Variants in MCC observed in about 807,000 individuals in gnomAD.
MCC encodes the protein colorectal mutant cancer protein.
A neutral mutation model predicts 116.2 loss-of-function variants in MCC; 90 were observed. The observed-to-expected ratio is 0.77, with a 90% CI of 0.65 to 0.92. The LOEUF (loss-of-function observed/expected upper bound fraction) is 0.92. MCC is among the 40% of genes least tolerant of loss of function. MCC has a pLI of 0.00. For synonymous variants in MCC, 578 were observed against 510.5 expected (o/e 1.13, Z -1.78); for missense variants, 1,516 against 1,312.2 (o/e 1.16, Z -2.40).
intron 14 of MCC, among the ~76,000 whole-genome samples, chr5:113,059,999 A>G (rs918539746): frequency 3.9e-5 from 6 of 152,224 alleles, no homozygotes; most frequent in Non-Finnish European, 8.8e-5. Context: ...TTCATTTTTC[A>G]TAGCCTCCTC....
chr5:113,320,534 C>A (rs1462836410), intron 3 of MCC, among the ~76,000 whole-genome samples: 1 of 151,232 alleles, frequency 6.6e-6, no homozygotes, highest in Non-Finnish European at 1.5e-5. Context: ...AACCTACAGG[C>A]CCTCTACATG....
rs1750565753 is a variant in MCC, at chr5:113,026,568, A to G, written c.*734T>C. 1 of 152,246 alleles carries G rather than the reference A, an allele frequency of 6.6e-6. No individual in the cohort carries two copies. Among genetic ancestry groups the G allele is most frequent in the Non-Finnish European group, 1.5e-5 (1 of 68,058 alleles). 9.4% of individuals were successfully genotyped at this position (152,246 alleles called of 1,614,324 possible). On this transcript the variant is annotated 3_prime_UTR_variant, in exon 19 of 19. Transcript: ENST00000408903. ...ACTGAGAGGGAGAAATCCCAGAATCAAGAGAGCGCTCCCTTCCCAGCCCTG... is the reference window on the plus strand; with the variant it reads ...ACTGAGAGGGAGAAATCCCAGAATCGAGAGAGCGCTCCCTTCCCAGCCCTG...
intron 6 of MCC, among the ~76,000 whole-genome samples, chr5:113,113,005 C>A (rs768465754): frequency 1.5e-4 from 23 of 152,146 alleles, no homozygotes; most frequent in Non-Finnish European, 7.4e-5. Flanking sequence ...GAATTTTAGC[C>A]AGGCTAAGAA....
intron 11 of MCC, among the ~76,000 whole-genome samples, chr5:113,076,362 T>C (rs541891420): frequency 1.3e-5 from 2 of 152,240 alleles, no homozygotes; most frequent in African/African-American, 4.8e-5. Context: ...AATTGTCAGA[T>C]TCACCAAAGT....
In MCC at chr5:113,180,222, C is replaced by T. The variant is rs186254606; in HGVS notation, c.628-28800G>A. Among the ~76,000 whole-genome samples the T allele has an allele frequency of 8.5e-5, 13 of 152,286 alleles. No individual in the cohort carries two copies. In the East Asian group the frequency reaches 2.5e-3, roughly 29 times the overall value. On this transcript the variant is annotated intron_variant, in intron 3 of 18. Transcript: ENST00000408903. Reference sequence around the variant, plus strand: ...TTTATTTGCCATGTTCTCATTTCTACTCCCTTTGTTTTATTGCTATTTCTT... The same window carrying T: ...TTTATTTGCCATGTTCTCATTTCTATTCCCTTTGTTTTATTGCTATTTCTT...
intron 3 of MCC, among the ~76,000 whole-genome samples, chr5:113,274,877 C>G (rs1214394259): frequency 6.6e-6 from 1 of 152,074 alleles, no homozygotes; most frequent in Non-Finnish European, 1.5e-5. Flanking sequence ...AATGTTATAC[C>G]TTATGCTTGA....
At chr5:113,443,380 C>A (rs958440472) in intron 1 of MCC, among the ~76,000 whole-genome samples, 1 of 152,150 alleles carries the variant, frequency 6.6e-6, no homozygotes, top group Admixed American at 6.6e-5. Context: ...TTCTTATCAG[C>A]TTAAGGAGAT....
chr5:113,315,704 CAAAAAAAAAA>C (rs35274366), intron 3 of MCC, among the ~76,000 whole-genome samples: 63 of 64,468 alleles, frequency 9.8e-4, no homozygotes, highest in African/African-American at 1.1e-3. Flanking sequence ...CCCATCTCTA[CAAAAAAAAAA>C]AAAAAAAAAA....
At chr5:113,110,849 A>AT (rs1757050020) in intron 6 of MCC, among the ~76,000 whole-genome samples, 2 of 152,190 alleles carry the variant, frequency 1.3e-5, no homozygotes, top group Admixed American at 6.5e-5. Context: ...CATTTTAAAA[A>AT]TTGTTAAAAT....
intron 14 of MCC, 32 bp downstream of exon 14, chr5:113,063,952 C>T (rs529645418): frequency 1.8e-5 from 29 of 1,584,980 alleles, no homozygotes; most frequent in Non-Finnish European, 2.2e-5. Flanking sequence ...TGTGGACACA[C>T]GCCCACCCCA....
chr5:113,110,189 C>A (rs1213049693), intron 6 of MCC, among the ~76,000 whole-genome samples: 1 of 152,094 alleles, frequency 6.6e-6, no homozygotes, highest in East Asian at 1.9e-4. Context: ...AATACACATT[C>A]CTTTAAGTTT....
chr5:113,395,905 G>A (rs1290085146), intron 1 of MCC, among the ~76,000 whole-genome samples: 2 of 152,188 alleles, frequency 1.3e-5, no homozygotes, highest in Non-Finnish European at 2.9e-5. Context: ...GGGGGACTGG[G>A]AAATGGGAGA....
Position 113,082,924 on chromosome 5 carries a change from G to A in MCC, c.1720C>T (p.His574Tyr), listed in dbSNP as rs771181983. 3.7e-6 allele frequency: 6 copies of A among 1,614,090 alleles called. No homozygotes were observed. In the African/African-American group the frequency reaches 8.0e-5, roughly 22 times the overall value. The change falls in exon 11 of 19, where the codon CAC becomes TAC. Residue 574 changes from histidine (H) to tyrosine (Y), a missense_variant. Transcript: ENST00000408903. ...TTGCTTTCTGAGATGGCAGATCCGT[G>A]TGAGTAGAGTGTTTGGAAAATCTCT... Reference protein sequence around the residue: ...IQEIFQTLYSHGSAISESKIR... With the variant: ...IQEIFQTLYSYGSAISESKIR...
intron 2 of MCC, among the ~76,000 whole-genome samples, chr5:113,376,431 G>T (rs1033664397): frequency 6.6e-6 from 1 of 152,122 alleles, no homozygotes; most frequent in African/African-American, 2.4e-5. Context: ...CAATGTGGCT[G>T]ATAATTGCAA....
Position 113,071,159 on chromosome 5 carries a change from C to A in MCC, c.1860G>T (p.Arg620Ser), listed in dbSNP as rs1754013135. The A allele has an allele frequency of 6.2e-7, 1 of 1,614,176 alleles. No homozygotes were observed. The change falls in exon 12 of 19, where the codon AGG becomes AGT. Residue 620 changes from arginine to serine, a missense_variant. By Grantham distance (110) the Arg-to-Ser change is moderately radical. Transcript: ENST00000408903. Reference protein sequence around the residue: ...TLEECKSNAERMSMLVGKYES... With the variant: ...TLEECKSNAESMSMLVGKYES... ...CGTATTTTCCCACCAGCATGCTCAT[C>A]CTCTCGGCATTGCTTTTACATTCCT...
chr5:113,047,365 GAATA>G (rs948453772), intron 16 of MCC, among the ~76,000 whole-genome samples: 3 of 152,222 alleles, frequency 2.0e-5, no homozygotes, highest in Non-Finnish European at 2.9e-5. Context: ...CTGAATGGAT[GAATA>G]AAAAGCAGCC....
intron 3 of MCC, among the ~76,000 whole-genome samples, chr5:113,272,592 G>A (rs1319784956): frequency 6.6e-6 from 1 of 152,004 alleles, no homozygotes; most frequent in Non-Finnish European, 1.5e-5. Context: ...TAATTATCAG[G>A]ATACACTTGT....
At chr5:113,267,228 T>A (rs1245667955) in intron 3 of MCC, among the ~76,000 whole-genome samples, 2 of 152,032 alleles carry the variant, frequency 1.3e-5, no homozygotes, top group Non-Finnish European at 2.9e-5. Context: ...GAAATCCTCA[T>A]CAGCTCTCAT....
intron 3 of MCC, among the ~76,000 whole-genome samples, chr5:113,260,907 C>T (rs991148850): frequency 2.6e-5 from 4 of 152,050 alleles, no homozygotes; most frequent in Non-Finnish European, 5.9e-5. Context: ...TTATCATTGG[C>T]AGATACCATC....
Sources: gnomAD v4.1 joint callset for allele counts (sites outside exome capture counted in the v4.1 genomes callset) on GRCh38, gnomAD v4.1.1 for gene constraint, MANE v1.5 for transcripts, NCBI Gene and HGNC (gene_info 2026-07-23, HGNC 2026-07-21) for gene names.